EPS8: variants seen among roughly 807,000 people sequenced by gnomAD.
EPS8 encodes epidermal growth factor receptor kinase substrate 8.
EPS8 carries 42 observed loss-of-function variants against 103.8 expected under a neutral mutation model. The ratio of observed to expected loss-of-function variants is 0.40; its 90% CI spans 0.32 to 0.52. The LOEUF (loss-of-function observed/expected upper bound fraction) is 0.52, where lower values mean the gene tolerates loss of function less well. Among genes scored for constraint, EPS8 ranks in the 20% least tolerant of loss-of-function variants. The pLI, the probability that EPS8 is intolerant of heterozygous loss-of-function variation, is 0.40. For missense variants in EPS8, 969 were observed against 1,005.1 expected, an observed-to-expected ratio of 0.96 and a Z score of 0.49; for synonymous variants, 344 against 344.6, an observed-to-expected ratio of 1.00 and a Z score of 0.02.
intron 4 of EPS8, among the ~76,000 whole-genome samples, 159 bp downstream of exon 4, chr12:15,670,697 C>T (rs962502162): frequency 8.5e-5 from 13 of 152,086 alleles, no homozygotes; most frequent in Admixed American, 7.9e-4. Flanking sequence ...TAACAAGATA[C>T]TTTATATGTA....
chr12:15,768,429 C>CAAAAAAAA (rs71042268), intron 1 of EPS8, among the ~76,000 whole-genome samples: 1 of 24,836 alleles, frequency 4.0e-5, no homozygotes, highest in Admixed American at 6.6e-4. Context: ...GACTCCATCT[C>CAAAAAAAA]AAAAAAAAAA....
In EPS8 at chr12:15,757,583, T is replaced by C; in HGVS notation, c.-22+31578A>G. On this transcript the variant is annotated intron_variant, in intron 1 of 20. Coordinates refer to ENST00000281172, the MANE Select transcript of EPS8 (RefSeq NM_004447.6). This position sits in a 1 kb window ranked among gnomAD's most constrained non-coding sequence, Gnocchi z 4.1. ...AGCCAGAAGTTGCAGTGAGTTGAGATCGCGCCACTGCACTCCAGCCTGGCA... is the reference window on the plus strand; with the variant it reads ...AGCCAGAAGTTGCAGTGAGTTGAGACCGCGCCACTGCACTCCAGCCTGGCA... 6.6e-6 allele frequency among the ~76,000 whole-genome samples: 1 copy of C among 151,194 alleles called. No homozygotes were observed.
intron 1 of EPS8, among the ~76,000 whole-genome samples, chr12:15,783,490 A>G (rs989789965): frequency 1.3e-5 from 2 of 152,142 alleles, no homozygotes; most frequent in African/African-American, 4.8e-5. Context: ...TTGTAGCAGG[A>G]AGAATAGCAT....
intron 1 of EPS8, among the ~76,000 whole-genome samples, chr12:15,763,708 T>C (rs1947064796): frequency 6.6e-6 from 1 of 152,192 alleles, no homozygotes; most frequent in South Asian, 2.1e-4. Flanking sequence ...CACTCTTCTT[T>C]CTCCATCCTG....
chr12:15,715,606 G>A (rs1316918211), intron 1 of EPS8, among the ~76,000 whole-genome samples: 1 of 151,504 alleles, frequency 6.6e-6, no homozygotes, highest in Non-Finnish European at 1.5e-5. Flanking sequence ...GGCTGGTCTC[G>A]AAATCTTGAC....
chr12:15,670,726 C>A, intron 4 of EPS8, 130 bp downstream of exon 4: 2 of 572,052 alleles, frequency 3.5e-6, no homozygotes, highest in South Asian at 3.0e-5. Flanking sequence ...TTTAAAAAAT[C>A]TAAACAAAAA....
At chr12:15,768,299 G>A (rs546591498) in intron 1 of EPS8, among the ~76,000 whole-genome samples, 4 of 151,534 alleles carry the variant, frequency 2.6e-5, no homozygotes, top group East Asian at 1.9e-4. Context: ...TTAGCCGGGC[G>A]TGGTGGCGGG....
intron 1 of EPS8, among the ~76,000 whole-genome samples, chr12:15,750,763 T>C (rs1205935238): frequency 6.6e-6 from 1 of 152,222 alleles, no homozygotes; most frequent in African/African-American, 2.4e-5. Flanking sequence ...ACAGCATTGT[T>C]GTGTGTAAAC....
At chr12:15,674,795 T>A (rs2135864280) in intron 3 of EPS8, among the ~76,000 whole-genome samples, 1 of 152,254 alleles carries the variant, frequency 6.6e-6, no homozygotes, top group Non-Finnish European at 1.5e-5. Context: ...CCTGATACTA[T>A]TTAATGAATT....
rs1371509147 is a variant in EPS8 at position 15,621,251 on chromosome 12, G to C, written c.*66C>G. On this transcript the variant is annotated 3_prime_UTR_variant, in exon 21 of 21. Transcript: ENST00000281172. ...AAATGAATCTGACATTCCCTTCAAG[G>C]CTTCTTAAAACAAAGCATGTTGGAA... 1 of 783,260 alleles carries C rather than the reference G, an allele frequency of 1.3e-6. No homozygotes were observed. Among genetic ancestry groups the C allele is most frequent in the African/African-American group, 1.8e-5 (1 of 54,140 alleles). The allele number at this position is 783,260 out of a possible 1,614,324, so 48.5% of individuals were successfully genotyped here. A position where few individuals can be genotyped will look rare whatever the true frequency, so the allele number is the denominator to read the frequency against.
At position 15,751,502 on chromosome 12, in the gene EPS8, C is replaced by T. The variant is rs1946930951; in HGVS notation, c.-22+37659G>A. On this transcript the variant is annotated intron_variant, in intron 1 of 20. Coordinates refer to ENST00000281172, the MANE Select transcript of EPS8 (RefSeq NM_004447.6). This position sits in a 1 kb window ranked among gnomAD's most constrained non-coding sequence, Gnocchi z 4.3. ...AATGATCCCAGTCCTAAAAAGCTCA[C>T]ATTCAAGTGTCCTCCAGACAAACCG... is the stretch of plus-strand genomic sequence containing the variant. Among the ~76,000 whole-genome samples the T allele has an allele frequency of 6.6e-6, 1 of 152,166 alleles. No homozygotes were observed. The highest frequency in any genetic ancestry group is 1.5e-5 in the Non-Finnish European group (1 of 68,036).
chr12:15,648,990 A>T (rs1055130740), intron 14 of EPS8, among the ~76,000 whole-genome samples: 1 of 152,198 alleles, frequency 6.6e-6, no homozygotes, highest in African/African-American at 2.4e-5. Context: ...AGGGATGATT[A>T]CGTTTTTTTG....
Position 15,731,454 on chromosome 12 carries a change from C to T in EPS8, c.-21-48482G>A, listed in dbSNP as rs754680901. ...CTGGGATTACAGGTGCCTGCCACCA[C>T]GCCTGGCTAATTTTTGTATTTTTAG... is the stretch of plus-strand genomic sequence containing the variant. On this transcript the variant is annotated intron_variant, in intron 1 of 20. Transcript: ENST00000281172. The surrounding 1 kb of genome is among the most constrained non-coding windows in gnomAD (Gnocchi z 5.1). 5.3e-5 allele frequency among the ~76,000 whole-genome samples: 8 copies of T among 152,110 alleles called. No individual in the cohort carries two copies. Among genetic ancestry groups the T allele is most frequent in the Non-Finnish European group, 7.4e-5 (5 of 68,012 alleles).
intron 15 of EPS8, among the ~76,000 whole-genome samples, chr12:15,646,188 C>T (rs914440707): frequency 3.9e-5 from 6 of 151,900 alleles, no homozygotes; most frequent in African/African-American, 1.5e-4. Flanking sequence ...TCACTGGTGC[C>T]CTTGGAGTTA....
At position 15,733,012 on chromosome 12, in the gene EPS8, C is replaced by T. The variant is rs986482141; in HGVS notation, c.-21-50040G>A. ...TCATGACTACCACACTAGAATTGAA[C>T]GATACCTAAATAATGGAGTACATGG... On this transcript the variant is annotated intron_variant, in intron 1 of 20. Transcript: ENST00000281172. The surrounding 1 kb of genome is among the most constrained non-coding windows in gnomAD (Gnocchi z 4.8). Among the ~76,000 whole-genome samples, 1 of 152,124 alleles carries T rather than the reference C, an allele frequency of 6.6e-6. No individual in the cohort carries two copies. Among genetic ancestry groups the T allele is most frequent in the African/African-American group, 2.4e-5 (1 of 41,422 alleles).
chr12:15,740,704 C>T (rs2136005534), intron 1 of EPS8, among the ~76,000 whole-genome samples: 1 of 152,156 alleles, frequency 6.6e-6, no homozygotes, highest in South Asian at 2.1e-4. Flanking sequence ...ATAAGACAGT[C>T]TCTCCCAAGT....
At chr12:15,739,602 T>G (rs1946799617) in intron 1 of EPS8, among the ~76,000 whole-genome samples, 1 of 152,064 alleles carries the variant, frequency 6.6e-6, no homozygotes, top group Admixed American at 6.5e-5. Flanking sequence ...GGTCTCTGGT[T>G]TTTGGACCCT....
intron 18 of EPS8, among the ~76,000 whole-genome samples, chr12:15,628,831 G>A (rs1181822511): frequency 6.6e-6 from 1 of 152,162 alleles, no homozygotes; most frequent in East Asian, 1.9e-4. Context: ...GGGTAGATGA[G>A]TAGGCATATT....
rs1389130935 is a variant in EPS8, at chr12:15,706,255, T to C, written c.-21-23283A>G. Among the ~76,000 whole-genome samples, 1 of 152,194 alleles carries C rather than the reference T, an allele frequency of 6.6e-6. No homozygotes were observed. Among genetic ancestry groups the C allele is most frequent in the Non-Finnish European group, 1.5e-5 (1 of 68,020 alleles). On this transcript the variant is annotated intron_variant, in intron 1 of 20. Transcript: ENST00000281172. The surrounding 1 kb of genome is among the most constrained non-coding windows in gnomAD (Gnocchi z 5.2). ...GTGGAGCCTGAGCAAGTTTGCACCT[T>C]TGCAGAGGGGAGGAGCCTGGCCTTG...
Sources: allele counts gnomAD v4.1 joint callset (sites outside exome capture counted in the v4.1 genomes callset), GRCh38; gene constraint gnomAD v4.1.1; non-coding constraint Gnocchi (gnomAD v3.1); transcripts MANE v1.5; gene names NCBI Gene and HGNC (gene_info 2026-07-23, HGNC 2026-07-21).